CCDC3: variants seen among roughly 807,000 people sequenced by gnomAD.
CCDC3 encodes coiled-coil domain-containing protein 3.
In CCDC3, 24 loss-of-function variants were observed where a neutral mutation model predicts 21.4. That is an observed-to-expected ratio of 1.12 (90% CI 0.81 to 1.58). The LOEUF (loss-of-function observed/expected upper bound fraction) is 1.58. Among genes scored for constraint, CCDC3 ranks in the 40% most tolerant of loss-of-function variants. The probability of loss-of-function intolerance (pLI) is 0.00; values close to 1 mark genes in which losing one functional copy is unlikely to be tolerated. For missense variants in CCDC3, 425 were observed against 360.9 expected (o/e 1.18, Z -1.44); for synonymous variants, 186 against 166.0 (o/e 1.12, Z -0.93).
chr10:12,907,538 G>C (rs762449430), intron 2 of CCDC3, among the ~76,000 whole-genome samples: 17 of 152,298 alleles, frequency 1.1e-4, no homozygotes, highest in Admixed American at 2.6e-4. Context: ...CCAGCTACGC[G>C]GGAGGCTGAG....
intron 2 of CCDC3, among the ~76,000 whole-genome samples, chr10:12,980,206 C>T (rs911908246): frequency 6.6e-6 from 1 of 152,192 alleles, no homozygotes; most frequent in African/African-American, 2.4e-5. Context: ...CCAAAAGCAT[C>T]TGGGTTTGCT....
intron 4 of CCDC3, among the ~76,000 whole-genome samples, chr10:13,058,840 G>A (rs1836716116): frequency 6.6e-6 from 1 of 152,192 alleles, no homozygotes; most frequent in Non-Finnish European, 1.5e-5. Flanking sequence ...GCACAGCTGG[G>A]TGGCTGAGGA....
intron 3 of CCDC3, among the ~76,000 whole-genome samples, chr10:13,084,693 C>T (rs1451278013): frequency 1.3e-5 from 2 of 152,154 alleles, no homozygotes; most frequent in African/African-American, 4.8e-5. Context: ...TAGATCGGGA[C>T]TCCTTTCCAG....
At chr10:13,098,710 A>ATGTTTTTTTTTTT (rs1832666637) in intron 2 of CCDC3, 2 of 64,854 alleles carry the variant, frequency 3.1e-5, no homozygotes, top group Non-Finnish European at 5.3e-5. Context: ...TCCTGCACTG[A>ATGTTTTTTTTTTT]TTTTTTTTTT....
At chr10:12,977,310 GGAAAGGAAAGGAAGAAAAAGAAAA>G (rs1297641297) in intron 2 of CCDC3, among the ~76,000 whole-genome samples, 1 of 151,496 alleles carries the variant, frequency 6.6e-6, no homozygotes, top group Non-Finnish European at 1.5e-5. Flanking sequence ...AAAGGGGAAA[GGAAAGGAAAGGAAGAAAAAGAAAA>G]GAAAGAAAAG....
intron 5 of CCDC3, among the ~76,000 whole-genome samples, chr10:13,049,147 T>C (rs1353577100): frequency 2.6e-5 from 4 of 152,180 alleles, no homozygotes; most frequent in Non-Finnish European, 4.4e-5. Context: ...CCTTCCCTTT[T>C]CATCAAGAAG....
At chr10:12,962,319 T>A (rs1189775545) in intron 2 of CCDC3, among the ~76,000 whole-genome samples, 1 of 152,188 alleles carries the variant, frequency 6.6e-6, no homozygotes, top group African/African-American at 2.4e-5. Flanking sequence ...TAAAATGGGC[T>A]TTTGGCCGGG....
chr10:12,988,316 A>T (rs1020553892), intron 2 of CCDC3, among the ~76,000 whole-genome samples: 10 of 151,240 alleles, frequency 6.6e-5, no homozygotes, highest in African/African-American at 2.4e-4. Context: ...TTTAAAAGTC[A>T]TCTCTTCAAC....
intron 4 of CCDC3, among the ~76,000 whole-genome samples, chr10:13,057,468 TA>T (rs111356560): frequency 2.0e-4 from 30 of 149,420 alleles, no homozygotes; most frequent in Admixed American, 2.7e-4. Context: ...TTTGTTTTCT[TA>T]AAAAAAAAAA....
intron 5 of CCDC3, among the ~76,000 whole-genome samples, chr10:13,024,438 C>G (rs1348290950): frequency 6.6e-6 from 1 of 152,134 alleles, no homozygotes; most frequent in Admixed American, 6.6e-5. Context: ...TTTTGCCTAG[C>G]TGAGAGAAAC....
At chr10:13,074,391 G>C (rs144167250) in intron 3 of CCDC3, among the ~76,000 whole-genome samples, 31 of 118,730 alleles carry the variant, frequency 2.6e-4, no homozygotes, top group African/African-American at 1.0e-3. Flanking sequence ...TTTCCATATT[G>C]GTCAGGCTGG....
At chr10:13,020,397 C>G (rs1054263744) in intron 5 of CCDC3, among the ~76,000 whole-genome samples, 1 of 152,180 alleles carries the variant, frequency 6.6e-6, no homozygotes, top group Non-Finnish European at 1.5e-5. Context: ...CATCTTCACA[C>G]AGAGGGTTGT....
intron 2 of CCDC3, among the ~76,000 whole-genome samples, chr10:12,934,282 TG>T (rs1834699554): frequency 1.3e-5 from 2 of 152,352 alleles, no homozygotes; most frequent in South Asian, 4.1e-4. Context: ...TTAATTCCAT[TG>T]TCGTCTTTCC....
At chr10:13,041,360 C>T (rs1038261298) in intron 5 of CCDC3, among the ~76,000 whole-genome samples, 4 of 152,092 alleles carry the variant, frequency 2.6e-5, no homozygotes, top group African/African-American at 4.8e-5. Context: ...ACACCACTCA[C>T]GGCAAATCTT....
At position 12,915,826 on chromosome 10, in the gene CCDC3, G is replaced by T. The variant is rs183971626; in HGVS notation, c.550-17147C>A. On this transcript the variant is annotated intron_variant, in intron 2 of 2. Coordinates refer to ENST00000378825, the MANE Select transcript of CCDC3 (RefSeq NM_031455.4). ...TGTGGTGGACCTTGACCCTGGATCT[G>T]TAGGTCTTGGCCAGGCACTGGGACA... Among the ~76,000 whole-genome samples the T allele has an allele frequency of 1.4e-3, 215 of 152,316 alleles. 1 individual carries two copies. Among genetic ancestry groups the T allele is most frequent in the Middle Eastern group, 3.4e-3 (1 of 294 alleles).
chr10:12,986,477 A>C (rs1200858431), intron 2 of CCDC3, among the ~76,000 whole-genome samples: 1 of 152,218 alleles, frequency 6.6e-6, no homozygotes, highest in African/African-American at 2.4e-5. Flanking sequence ...AATTTTTTAA[A>C]AAAGTAATCC....
intron 5 of CCDC3, among the ~76,000 whole-genome samples, chr10:13,032,090 C>T (rs1836312282): frequency 6.6e-6 from 1 of 152,170 alleles, no homozygotes; most frequent in Non-Finnish European, 1.5e-5. Context: ...CGAAAATCCT[C>T]AATAAAATAC....
intron 4 of CCDC3, among the ~76,000 whole-genome samples, chr10:13,070,103 TA>T (rs1396401800): frequency 9.4e-6 from 1 of 105,928 alleles, no homozygotes; most frequent in Non-Finnish European, 2.1e-5. Context: ...AAAACTGAGG[TA>T]ATCTTTTGAC....
intron 5 of CCDC3, among the ~76,000 whole-genome samples, chr10:13,047,724 TA>T (rs1429130621): frequency 2.0e-5 from 3 of 152,194 alleles, no homozygotes. Flanking sequence ...TGATTCCTGT[TA>T]GCCATGGGCC....
Sources: gnomAD v4.1 joint callset for allele counts (sites outside exome capture counted in the v4.1 genomes callset) on GRCh38, gnomAD v4.1.1 for gene constraint, MANE v1.5 for transcripts, NCBI Gene and HGNC (gene_info 2026-07-23, HGNC 2026-07-21) for gene names.